STK3: variants seen among roughly 807,000 people sequenced by gnomAD.
STK3 encodes serine/threonine-protein kinase 3.
A neutral mutation model predicts 58.0 loss-of-function variants in STK3; 41 were observed. The ratio of observed to expected loss-of-function variants is 0.71; its 90% confidence interval spans 0.55 to 0.92. The LOEUF is 0.92. STK3 is among the 40% of genes least tolerant of loss of function. The probability of loss-of-function intolerance (pLI) is 0.00; values close to 1 mark genes in which losing one functional copy is unlikely to be tolerated. For missense variants in STK3, 479 were observed against 602.7 expected, an observed-to-expected ratio of 0.79 and a Z score of 2.15; for synonymous variants, 170 against 191.0, an observed-to-expected ratio of 0.89 and a Z score of 0.91.
intron 3 of STK3, among the ~76,000 whole-genome samples, chr8:98,759,706 A>C (rs906878078): frequency 6.6e-6 from 1 of 152,198 alleles, no homozygotes; most frequent in African/African-American, 2.4e-5. Flanking sequence ...CCTGTATATA[A>C]ATTTTAAGCA....
Position 98,429,048 on chromosome 8 carries a change from G to A in STK3, n.483+5079C>T, listed in dbSNP as rs776827428. 4.3e-6 allele frequency: 7 copies of A among 1,613,050 alleles called. No individual in the cohort carries two copies. In the Admixed American group the frequency reaches 5.0e-5, roughly 12 times the overall value. On this transcript the variant is annotated intron_variant and non_coding_transcript_variant, in intron 3 of 3. Transcript: ENST00000517832. ...CACCATTGAAAAGGAGGAGAACGAG[G>A]GCCTGGCCACCATCCCTGCCTGCTG... is the stretch of plus-strand genomic sequence containing the variant.
intron 1 of STK3, among the ~76,000 whole-genome samples, chr8:98,927,080 A>G (rs181834252): frequency 6.6e-6 from 1 of 152,366 alleles, no homozygotes; most frequent in Admixed American, 6.5e-5. Flanking sequence ...GCTAGAATCA[A>G]GATATCTAGA....
At chr8:98,888,978 C>T (rs1838097364) in intron 1 of STK3, among the ~76,000 whole-genome samples, 1 of 152,152 alleles carries the variant, frequency 6.6e-6, no homozygotes, top group Non-Finnish European at 1.5e-5. Context: ...TCTCCTCGTC[C>T]CCACAAAGTT....
At position 98,792,181 on chromosome 8, in the gene STK3, G is replaced by A. The variant is rs188814438; in HGVS notation, c.27-17362C>T. 8.9e-3 allele frequency among the ~76,000 whole-genome samples: 1,349 copies of A among 152,200 alleles called. 11 individuals carry two copies. Among genetic ancestry groups the A allele is most frequent in the African/African-American group, 0.031 (1,268 of 41,556 alleles). ...AGACAATTCTCAAAAGAAGATATAC[G>A]AATGGCCAACAAACATAGGAAAAAA... is the stretch of plus-strand genomic sequence containing the variant. On this transcript the variant is annotated intron_variant, in intron 1 of 10. Coordinates refer to ENST00000419617, the MANE Select transcript of STK3 (RefSeq NM_006281.4).
chr8:98,810,660 G>A (rs1482613349), intron 1 of STK3, among the ~76,000 whole-genome samples: 1 of 152,186 alleles, frequency 6.6e-6, no homozygotes, highest in African/African-American at 2.4e-5. Flanking sequence ...ACAGAGGAAA[G>A]CTTTCTGTAC....
intron 8 of STK3, among the ~76,000 whole-genome samples, chr8:98,562,729 C>T (rs1586868657): frequency 6.6e-5 from 1 of 15,098 alleles, no homozygotes; most frequent in South Asian, 1.9e-3. Context: ...CCCATCTCCA[C>T]AAAAAATGAA....
intron 3 of STK3, chr8:98,429,474 A>AAGAG: frequency 8.1e-7 from 1 of 1,233,268 alleles, no homozygotes; most frequent in Non-Finnish European, 1.2e-6. Flanking sequence ...CCTCTGGCAC[A>AAGAG]GCCCAGGCAC....
chr8:98,523,994 G>A (rs1284927469), intron 10 of STK3, among the ~76,000 whole-genome samples: 1 of 152,034 alleles, frequency 6.6e-6, no homozygotes, highest in African/African-American at 2.4e-5. Context: ...ATTTCTTACT[G>A]TAAGATCTTT....
chr8:98,905,310 A>G (rs1838849860), intron 1 of STK3: 3 of 856,878 alleles, frequency 3.5e-6, no homozygotes, highest in Admixed American at 3.4e-5. Flanking sequence ...TGACCACTCC[A>G]TGTGTATGAA....
chr8:98,765,670 G>A (rs1256636910), intron 3 of STK3, among the ~76,000 whole-genome samples: 5 of 152,218 alleles, frequency 3.3e-5, no homozygotes, highest in Non-Finnish European at 1.5e-5. Flanking sequence ...TAGCAGCCCT[G>A]TTGTAGCCAT....
At position 98,454,722 on chromosome 8, in the gene STK3, T is replaced by C. The variant is rs1239545750; in HGVS notation, c.*1120A>G. On this transcript the variant is annotated 3_prime_UTR_variant, in exon 11 of 11. Transcript: ENST00000419617. The stretch of plus-strand genomic sequence containing the variant: ...AGAAAAAACACTGTCAAGATGGCCA[T>C]ATGTAGCTTAGGAAATGACTGGTCC... The C allele has an allele frequency of 6.6e-6, 1 of 152,632 alleles. No homozygotes were observed. Among genetic ancestry groups the C allele is most frequent in the Non-Finnish European group, 1.5e-5 (1 of 68,030 alleles). 9.5% of individuals were successfully genotyped at this position (152,632 alleles called of 1,614,324 possible).
intron 7 of STK3, among the ~76,000 whole-genome samples, chr8:98,580,751 T>A (rs984828321): frequency 6.6e-6 from 1 of 152,158 alleles, no homozygotes; most frequent in South Asian, 2.1e-4. Flanking sequence ...GTGCTGGGAA[T>A]AGAGGCATGA....
chr8:98,672,524 A>G (rs1009988686), intron 6 of STK3, among the ~76,000 whole-genome samples: 1 of 152,216 alleles, frequency 6.6e-6, no homozygotes, highest in Admixed American at 6.5e-5. Flanking sequence ...TCCTCAAGCT[A>G]ATTACTTAAA....
At chr8:98,536,548 C>T (rs1773195915) in intron 9 of STK3, among the ~76,000 whole-genome samples, 1 of 152,030 alleles carries the variant, frequency 6.6e-6, no homozygotes, top group Non-Finnish European at 1.5e-5. Context: ...TTTTCTACTG[C>T]CTGGAATACA....
In STK3 at chr8:98,619,034, T is replaced by C. The variant is rs1406423460; in HGVS notation, c.685-22865A>G. On this transcript the variant is annotated intron_variant, in intron 6 of 10. Transcript: ENST00000419617. Reference sequence around the variant, plus strand: ...CAATCCTAAGCCAAAAGAACAAAGCTGGAGGCATCACACTACCTGACTTCA... The same window carrying C: ...CAATCCTAAGCCAAAAGAACAAAGCCGGAGGCATCACACTACCTGACTTCA... Among the ~76,000 whole-genome samples the C allele has an allele frequency of 3.6e-3, 539 of 148,576 alleles. 2 individuals are homozygous for C. Among genetic ancestry groups the C allele is most frequent in the African/African-American group, 0.013 (503 of 40,214 alleles).
At chr8:98,361,118 A>T in the STK3 span, among the ~76,000 whole-genome samples, 1 of 152,196 alleles carries the variant, frequency 6.6e-6, no homozygotes, top group African/African-American at 2.4e-5. Flanking sequence ...GATTACACTG[A>T]GTACCCCCCT....
intron 9 of STK3, among the ~76,000 whole-genome samples, chr8:98,528,386 T>C (rs181515564): frequency 5.8e-4 from 89 of 152,270 alleles, no homozygotes; most frequent in African/African-American, 2.0e-3. Context: ...GTTTTCAAAT[T>C]GGATCCTTAA....
At chr8:98,548,913 A>G (rs1810941660) in intron 8 of STK3, among the ~76,000 whole-genome samples, 1 of 152,132 alleles carries the variant, frequency 6.6e-6, no homozygotes, top group South Asian at 2.1e-4. Flanking sequence ...TGCATTCAAG[A>G]TTCATGCATA....
At chr8:98,812,893 G>T (rs1244564349) in intron 1 of STK3, among the ~76,000 whole-genome samples, 2 of 152,242 alleles carry the variant, frequency 1.3e-5, no homozygotes, top group South Asian at 2.1e-4. Flanking sequence ...TTGTAGGGTG[G>T]GGGGAGTGAG....
Sources: allele counts gnomAD v4.1 joint callset (sites outside exome capture counted in the v4.1 genomes callset), GRCh38; gene constraint gnomAD v4.1.1; transcripts MANE v1.5; gene names NCBI Gene and HGNC (gene_info 2026-07-23, HGNC 2026-07-21).